Variants in PDE4D observed in about 807,000 individuals in gnomAD.
The protein encoded by PDE4D is 3',5'-cyclic-AMP phosphodiesterase 4D.
Under a neutral mutation model 87.4 loss-of-function variants are expected in PDE4D, and 24 were observed. The observed-to-expected ratio is 0.27, with a 90% confidence interval of 0.20 to 0.39. PDE4D has a LOEUF of 0.39. PDE4D is among the 10% of genes least tolerant of loss of function. PDE4D has a pLI of 1.00. For synonymous variants in PDE4D, 384 were observed against 383.2 expected (o/e 1.00, Z -0.02); for missense variants, 714 against 1,041.0 (o/e 0.69, Z 4.32).
At chr5:60,248,672 T>C (rs1031865784) in intron 1 of PDE4D, among the ~76,000 whole-genome samples, 1 of 152,058 alleles carries the variant, frequency 6.6e-6, no homozygotes. Flanking sequence ...TTAAAAAGTA[T>C]ATTTGTCTTA....
At chr5:60,288,186 T>G (rs1752588482) in intron 1 of PDE4D, among the ~76,000 whole-genome samples, 1 of 152,208 alleles carries the variant, frequency 6.6e-6, no homozygotes, top group Non-Finnish European at 1.5e-5. Context: ...CCCTCAAATC[T>G]GCAAGCATTG....
At position 59,292,099 on chromosome 5, in the gene PDE4D, T is replaced by C. The variant is rs148726357; in HGVS notation, c.456-76131A>G. ...TCCCTGTTTTCAGGGCAGATTGTTA[T>C]TCCATATGGGGAAAGAATATGAAAA... On this transcript the variant is annotated intron_variant, in intron 1 of 14. Coordinates refer to ENST00000340635, the MANE Select transcript of PDE4D (RefSeq NM_001104631.2). Among the ~76,000 whole-genome samples, 190 of 152,202 alleles carry C rather than the reference T, an allele frequency of 1.2e-3. 1 individual carries two copies. The highest frequency in any genetic ancestry group is 4.1e-3 in the African/African-American group (172 of 41,542).
At chr5:59,906,396 A>G (rs1752820828) in intron 3 of PDE4D, among the ~76,000 whole-genome samples, 1 of 152,188 alleles carries the variant, frequency 6.6e-6, no homozygotes, top group Non-Finnish European at 1.5e-5. Flanking sequence ...CATTCACAAT[A>G]GAAATAGCAC....
chr5:59,307,274 C>CT (rs2153563627), intron 1 of PDE4D, among the ~76,000 whole-genome samples: 1 of 139,366 alleles, frequency 7.2e-6, no homozygotes, highest in Non-Finnish European at 1.5e-5. Flanking sequence ...AAAACCCAGG[C>CT]ATTACCATTC....
intron 1 of PDE4D, among the ~76,000 whole-genome samples, chr5:60,452,775 T>G (rs1307407916): frequency 7.9e-5 from 12 of 152,172 alleles, no homozygotes; most frequent in Middle Eastern, 3.4e-3. Context: ...TCTGAGACAA[T>G]AAAGCATCAT....
At chr5:59,210,606 A>G (rs1477483800) in intron 2 of PDE4D, among the ~76,000 whole-genome samples, 1 of 152,238 alleles carries the variant, frequency 6.6e-6, no homozygotes, top group Non-Finnish European at 1.5e-5. Flanking sequence ...ACTTAGCTAG[A>G]TTCCCAAATA....
At chr5:60,253,136 C>A in intron 1 of PDE4D, among the ~76,000 whole-genome samples, 1 of 151,938 alleles carries the variant, frequency 6.6e-6, no homozygotes, top group East Asian at 1.9e-4. Flanking sequence ...GGCACAAAAT[C>A]AACCAGAAGG....
intron 1 of PDE4D, among the ~76,000 whole-genome samples, chr5:59,813,693 T>C (rs1260949033): frequency 6.6e-6 from 1 of 152,034 alleles, no homozygotes; most frequent in Non-Finnish European, 1.5e-5. Flanking sequence ...ACAAAAGCAA[T>C]GGGAAAAAAA....
intron 2 of PDE4D, among the ~76,000 whole-genome samples, chr5:60,047,987 T>C (rs1769521595): frequency 6.6e-6 from 1 of 152,176 alleles, no homozygotes; most frequent in Non-Finnish European, 1.5e-5. Flanking sequence ...CCATTATTAA[T>C]GTGTGGGAGT....
chr5:60,080,643 G>T (rs915608011), intron 2 of PDE4D, among the ~76,000 whole-genome samples: 1 of 152,114 alleles, frequency 6.6e-6, no homozygotes, highest in African/African-American at 2.4e-5. Flanking sequence ...ATAATCATGT[G>T]GTTCTTGTCT....
At chr5:60,303,631 G>A (rs1037238706) in intron 1 of PDE4D, among the ~76,000 whole-genome samples, 1 of 152,012 alleles carries the variant, frequency 6.6e-6, no homozygotes, top group Admixed American at 6.6e-5. Context: ...TCTTAATCTT[G>A]AGTTCTGATT....
intron 1 of PDE4D, among the ~76,000 whole-genome samples, chr5:59,828,646 A>G (rs994253649): frequency 8.5e-5 from 13 of 152,052 alleles, no homozygotes; most frequent in African/African-American, 3.1e-4. Flanking sequence ...GCAGATCAGC[A>G]GGTACTGGCA....
At chr5:59,375,733 A>G (rs955986217) in intron 1 of PDE4D, among the ~76,000 whole-genome samples, 3 of 152,172 alleles carry the variant, frequency 2.0e-5, no homozygotes, top group African/African-American at 7.2e-5. Flanking sequence ...GAAATATAAC[A>G]AAAATTTAAA....
intron 1 of PDE4D, among the ~76,000 whole-genome samples, chr5:59,379,328 AG>A (rs1785319162): frequency 6.6e-6 from 1 of 152,222 alleles, no homozygotes; most frequent in African/African-American, 2.4e-5. Context: ...ATGCAAAAAT[AG>A]TTTTCTGTTT....
chr5:60,277,015 T>G (rs1751439148), intron 1 of PDE4D, among the ~76,000 whole-genome samples: 1 of 152,046 alleles, frequency 6.6e-6, no homozygotes, highest in African/African-American at 2.4e-5. Flanking sequence ...TTTTTTGCTT[T>G]GTTTTGCTTT....
chr5:59,415,281 T>C (rs1390119961), intron 1 of PDE4D, among the ~76,000 whole-genome samples: 1 of 152,110 alleles, frequency 6.6e-6, no homozygotes, highest in Non-Finnish European at 1.5e-5. Context: ...GGGATTTTCT[T>C]CAGGAGAGCT....
intron 1 of PDE4D, among the ~76,000 whole-genome samples, chr5:59,632,544 G>C (rs1831708537): frequency 1.3e-5 from 2 of 152,314 alleles, no homozygotes; most frequent in South Asian, 4.1e-4. Flanking sequence ...TCCAGAGGAA[G>C]GAGCAGGGAG....
intron 3 of PDE4D, among the ~76,000 whole-genome samples, chr5:59,984,049 A>T (rs549857012): frequency 2.4e-4 from 35 of 144,986 alleles, no homozygotes; most frequent in African/African-American, 7.7e-4. Context: ...TCAAAAAAAA[A>T]TTTTGACTAA....
At chr5:59,432,705 C>T (rs1005805724) in intron 1 of PDE4D, among the ~76,000 whole-genome samples, 16 of 152,056 alleles carry the variant, frequency 1.1e-4, no homozygotes, top group African/African-American at 2.7e-4. Context: ...ATTAAGGTGT[C>T]GCAAAAGTAA....
Sources: gnomAD v4.1 joint callset for allele counts (sites outside exome capture counted in the v4.1 genomes callset) on GRCh38, gnomAD v4.1.1 for gene constraint, MANE v1.5 for transcripts, NCBI Gene and HGNC (gene_info 2026-07-23, HGNC 2026-07-21) for gene names.